CP: variants seen among roughly 807,000 people sequenced by gnomAD.
CP encodes the protein ceruloplasmin.
In CP, 64 loss-of-function variants were observed where a neutral mutation model predicts 122.4. The ratio of observed to expected loss-of-function variants is 0.52; its 90% CI spans 0.43 to 0.64. CP has a LOEUF of 0.64. CP is among the 30% of genes least tolerant of loss of function. The pLI, the probability that CP is intolerant of heterozygous loss-of-function variation, is 0.00. For missense variants in CP, 1,167 were observed against 1,284.4 expected, an observed-to-expected ratio of 0.91 and a Z score of 1.40; for synonymous variants, 440 against 436.4, an observed-to-expected ratio of 1.01 and a Z score of -0.10.
At chr3:149,176,700 C>A in intron 17 of CP, 1 of 360,130 alleles carries the variant, frequency 2.8e-6, no homozygotes, top group Non-Finnish European at 5.2e-6. Context: ...GCCTGTTTGT[C>A]ATAGCACTTA....
chr3:149,183,437 C>T (rs1368318995), intron 13 of CP, 29 bp downstream of exon 13: 1 of 1,608,754 alleles, frequency 6.2e-7, no homozygotes, highest in Non-Finnish European at 8.5e-7. Context: ...CATTAACCCA[C>T]ACCTGATAAA....
Position 149,202,093 on chromosome 3 carries a change from A to G in CP, c.1348+9T>C, listed in dbSNP as rs35272481. ...GTAAACCAGCCATATATATTCTGCA[A>G]GAACTCACCCAGGATGCCAAGATGC... On this transcript the variant is annotated intron_variant, in intron 7 of 18. Transcript: ENST00000264613. The G allele has an allele frequency of 8.8e-4, 1,419 of 1,614,028 alleles. 10 individuals carry two copies. In the African/African-American group the frequency reaches 0.015, roughly 17 times the overall value.
intron 9 of CP, among the ~76,000 whole-genome samples, chr3:149,195,594 A>G (rs1383141511): frequency 6.6e-6 from 1 of 152,210 alleles, no homozygotes; most frequent in Non-Finnish European, 1.5e-5. Flanking sequence ...ATATGAATAC[A>G]CACACGTTTG....
At chr3:149,209,183 A>T in intron 4 of CP, 28 bp downstream of exon 4, 1 of 1,613,230 alleles carries the variant, frequency 6.2e-7, no homozygotes, top group African/African-American at 1.3e-5. Flanking sequence ...AAAAAAAAGT[A>T]AAGTTAACAT....
rs146101316 is a variant in CP at position 149,210,313 on chromosome 3, T to C, written c.461A>G (p.Gln154Arg). ...RADDKVYPGE[Q>R]YTYMLLATEE... Reference sequence around the variant, plus strand: ...AGTGGCAAGCAACATGTATGTATACTGCTCTCCTGGATATACTTTGTCATC... The same window carrying C: ...AGTGGCAAGCAACATGTATGTATACCGCTCTCCTGGATATACTTTGTCATC... The change falls in exon 3 of 19, where the codon CAG (glutamine) becomes CGG (arginine). Residue 154 changes from glutamine to arginine, a missense_variant. Gln to Arg is a conservative substitution (Grantham distance 43). This residue lies in a region of CP where 642 missense variants were observed against 627.3 expected (regional missense o/e 1.02). Transcript: ENST00000264613. The C allele has an allele frequency of 1.9e-6, 3 of 1,614,022 alleles. No individual in the cohort carries two copies. In the African/African-American group the frequency reaches 4.0e-5, roughly 22 times the overall value.
chr3:149,163,583 T>C (rs1447787028), intron 5 of CP, among the ~76,000 whole-genome samples: 2 of 152,234 alleles, frequency 1.3e-5, no homozygotes. Context: ...TTAAATGCAG[T>C]ATTGCTCTTT....
chr3:149,193,774 G>A (rs7623387), intron 9 of CP, among the ~76,000 whole-genome samples: 3 of 152,076 alleles, frequency 2.0e-5, no homozygotes, highest in African/African-American at 7.2e-5. Flanking sequence ...CTTTCAAAAA[G>A]AAAGAATGCA....
chr3:149,209,504 G>A (rs1182730291), intron 3 of CP, 120 bp from the exon 4 acceptor site: 11 of 993,226 alleles, frequency 1.1e-5, no homozygotes, highest in Non-Finnish European at 1.5e-5. Flanking sequence ...TAAATCACAA[G>A]TCTGGACCAG....
intron 18 of CP, among the ~76,000 whole-genome samples, chr3:149,175,688 T>TGTGTGTGTGTGTGTGTGTAC (rs1725373236): frequency 6.6e-6 from 1 of 152,016 alleles, no homozygotes; most frequent in Non-Finnish European, 1.5e-5. Context: ...TGTGTGTGTG[T>TGTGTGTGTGTGTGTGTGTAC]GTACCTACAC....
chr3:149,169,038 C>CGTGTGTGTGTGTGTGT (rs34076994), downstream of CP, among the ~76,000 whole-genome samples: 19 of 149,810 alleles, frequency 1.3e-4, no homozygotes, highest in African/African-American at 4.6e-4. Flanking sequence ...TGTGTGCATA[C>CGTGTGTGTGTGTGTGT]GTGTGTGTGT....
At chr3:149,181,980 C>CCCA in intron 14 of CP, 25 bp downstream of exon 14, 4 of 515,890 alleles carry the variant, frequency 7.8e-6, no homozygotes, top group South Asian at 4.5e-5. Flanking sequence ...AAATGCACCA[C>CCCA]CCCCACCCCC....
intron 5 of CP, among the ~76,000 whole-genome samples, chr3:149,207,129 C>T (rs1205393675): frequency 3.9e-5 from 6 of 152,198 alleles, no homozygotes; most frequent in Non-Finnish European, 5.9e-5. Context: ...TAGTACTATA[C>T]TTTCAGGGCC....
At chr3:149,182,213 G>A in intron 13 of CP, 80 bp from the exon 14 acceptor site, 1 of 1,533,666 alleles carries the variant, frequency 6.5e-7, no homozygotes, top group Non-Finnish European at 9.0e-7. Context: ...AAGATAACTT[G>A]TTTCTCTCCC....
exon 6 of CP, chr3:149,162,681 G>A (rs1270706703): frequency 6.2e-7 from 1 of 1,613,738 alleles, no homozygotes; most frequent in Non-Finnish European, 8.5e-7. Flanking sequence ...TCCTTTTACT[G>A]TTTTTAAGGT....
rs17847024 is a variant in CP at position 149,212,381 on chromosome 3, A to C, written c.394+70T>G. 332 of 1,571,544 alleles carry C rather than the reference A, an allele frequency of 2.1e-4. No individual in the cohort carries two copies. In the East Asian group the frequency reaches 7.2e-3, roughly 34 times the overall value. ...TGTCTTATCCAGGAGAGAAGTCCAC[A>C]ATTTTAGAAGCTAAAAGGCACTTCT... On this transcript the variant is annotated intron_variant, in intron 2 of 18. Transcript: ENST00000264613.
downstream of CP, among the ~76,000 whole-genome samples, chr3:149,168,741 C>T (rs1724682841): frequency 6.6e-6 from 1 of 152,118 alleles, no homozygotes; most frequent in Non-Finnish European, 1.5e-5. Flanking sequence ...TATTCTCTGT[C>T]CTACCCGTCT....
chr3:149,180,775 A>T (rs1054551645), intron 14 of CP, among the ~76,000 whole-genome samples: 1 of 152,074 alleles, frequency 6.6e-6, no homozygotes, highest in African/African-American at 2.4e-5. Flanking sequence ...GCTTTTACTT[A>T]TTCTCATAAG....
intron 6 of CP, among the ~76,000 whole-genome samples, chr3:149,204,785 A>C (rs1352656783): frequency 1.3e-5 from 2 of 152,214 alleles, no homozygotes; most frequent in African/African-American, 4.8e-5. Flanking sequence ...GAAAGATCAC[A>C]GTACTGCTTT....
downstream of CP, among the ~76,000 whole-genome samples, chr3:149,171,922 G>A (rs1725031141): frequency 6.6e-6 from 1 of 151,954 alleles, no homozygotes; most frequent in Admixed American, 6.6e-5. Context: ...GGCCAGACTG[G>A]TCTTGAACTC....
Sources: gnomAD v4.1 joint callset for allele counts (sites outside exome capture counted in the v4.1 genomes callset) on GRCh38, gnomAD v4.1.1 for gene constraint, gnomAD v4.1.1 regional missense constraint, MANE v1.5 for transcripts, NCBI Gene and HGNC (gene_info 2026-07-23, HGNC 2026-07-21) for gene names.